Variants in GRIA1 observed in about 807,000 individuals in gnomAD.
GRIA1 encodes the protein glutamate ionotropic receptor AMPA type subunit 1.
GRIA1 carries 31 observed loss-of-function variants against 99.2 expected under a neutral mutation model. The observed-to-expected ratio is 0.31, with a 90% CI of 0.23 to 0.42. The LOEUF (loss-of-function observed/expected upper bound fraction) is 0.42, where lower values mean the gene tolerates loss of function less well. Among genes scored for constraint, GRIA1 ranks in the 10% least tolerant of loss-of-function variants. The pLI, the probability that GRIA1 is intolerant of heterozygous loss-of-function variation, is 1.00. For missense variants in GRIA1, 782 were observed against 1,157.5 expected (o/e 0.68, Z 4.71); for synonymous variants, 438 against 432.4 (o/e 1.01, Z -0.16).
intron 2 of GRIA1, among the ~76,000 whole-genome samples, chr5:153,613,703 A>G (rs894273196): frequency 2.1e-5 from 3 of 144,550 alleles, no homozygotes; most frequent in Non-Finnish European, 3.1e-5. Context: ...TTTCCCAGAA[A>G]CAGCCACTTT....
chr5:153,500,610 TACAC>T (rs35636352), intron 2 of GRIA1, among the ~76,000 whole-genome samples: 15,295 of 120,022 alleles, frequency 0.13, 1,259 homozygotes, highest in African/African-American at 0.27. Flanking sequence ...CCCTCTTACA[TACAC>T]ACACACACAC....
chr5:153,490,353 G>A (rs1015143611), upstream of GRIA1: 7 of 168,968 alleles, frequency 4.1e-5, no homozygotes, highest in Admixed American at 4.1e-4. Context: ...GGCAGGGGAG[G>A]GTAAAGAGGA....
At chr5:153,684,242 T>G (rs17594729) in intron 7 of GRIA1, among the ~76,000 whole-genome samples, 11 of 149,964 alleles carry the variant, frequency 7.3e-5, no homozygotes, top group Non-Finnish European at 1.3e-4. Flanking sequence ...AAGTGTGTCA[T>G]AAACATGAAG....
At chr5:153,491,445 C>A in intron 1 of GRIA1, 1 of 366,532 alleles carries the variant, frequency 2.7e-6, no homozygotes, top group Non-Finnish European at 3.8e-6. Context: ...GAAAAGAGAC[C>A]CTCGAGAAGA....
chr5:153,561,372 G>A (rs1282480548), intron 2 of GRIA1, among the ~76,000 whole-genome samples: 1 of 152,146 alleles, frequency 6.6e-6, no homozygotes, highest in African/African-American at 2.4e-5. Flanking sequence ...GGGGTTGAGA[G>A]GAGGACAGTT....
intron 2 of GRIA1, among the ~76,000 whole-genome samples, chr5:153,599,131 C>G (rs868332338): frequency 1.3e-5 from 2 of 152,206 alleles, no homozygotes; most frequent in Non-Finnish European, 2.9e-5. Flanking sequence ...ATCCACCCAC[C>G]TCAGCCTGCC....
intron 2 of GRIA1, among the ~76,000 whole-genome samples, chr5:153,498,226 G>C (rs1363559729): frequency 6.6e-6 from 1 of 152,072 alleles, no homozygotes; most frequent in Admixed American, 6.6e-5. Context: ...CATCTACATG[G>C]CCTCTTTCCC....
chr5:153,504,922 T>C (rs1466585270), intron 2 of GRIA1, among the ~76,000 whole-genome samples: 1 of 152,184 alleles, frequency 6.6e-6, no homozygotes, highest in Non-Finnish European at 1.5e-5. Context: ...ACAGTCCCAG[T>C]TGGAATCTTG....
At chr5:153,546,601 G>C (rs910060695) in intron 2 of GRIA1, among the ~76,000 whole-genome samples, 3 of 152,084 alleles carry the variant, frequency 2.0e-5, no homozygotes, top group Non-Finnish European at 2.9e-5. Context: ...GCAGGTATGG[G>C]GAACGTCTTA....
chr5:153,753,979 T>C (rs1443499457), intron 11 of GRIA1, among the ~76,000 whole-genome samples: 1 of 152,182 alleles, frequency 6.6e-6, no homozygotes, highest in Non-Finnish European at 1.5e-5. Context: ...AGGAAAGAAA[T>C]GGACTGAGTC....
intron 13 of GRIA1, among the ~76,000 whole-genome samples, chr5:153,783,742 C>T (rs924366538): frequency 2.6e-5 from 4 of 152,218 alleles, no homozygotes; most frequent in Non-Finnish European, 5.9e-5. Flanking sequence ...GAAGCAGCTA[C>T]TGTGTTAGCT....
chr5:153,698,833 C>A, intron 9 of GRIA1, 34 bp from the exon 10 acceptor site: 1 of 1,416,100 alleles, frequency 7.1e-7, no homozygotes, highest in Non-Finnish European at 1.0e-6. Context: ...GAACCCATAA[C>A]CCACATTCTG....
chr5:153,590,180 G>T (rs915659695), intron 2 of GRIA1, among the ~76,000 whole-genome samples: 3 of 152,054 alleles, frequency 2.0e-5, no homozygotes, highest in South Asian at 2.1e-4. Context: ...TGTGGATTCA[G>T]AAGAACAGTT....
At chr5:153,694,217 G>A (rs1386869757) in intron 8 of GRIA1, among the ~76,000 whole-genome samples, 2 of 151,958 alleles carry the variant, frequency 1.3e-5, no homozygotes, top group Non-Finnish European at 2.9e-5. Flanking sequence ...AAAAATTAAG[G>A]TATCTTTCTA....
chr5:153,568,794 A>T (rs1761874984), intron 2 of GRIA1, among the ~76,000 whole-genome samples: 1 of 152,088 alleles, frequency 6.6e-6, no homozygotes, highest in African/African-American at 2.4e-5. Flanking sequence ...CAAACTTCAT[A>T]TGGCTTTTTC....
At chr5:153,761,468 T>TA (rs1763177276) in intron 11 of GRIA1, among the ~76,000 whole-genome samples, 1 of 152,116 alleles carries the variant, frequency 6.6e-6, no homozygotes, top group Admixed American at 6.6e-5. Flanking sequence ...CACAGTGAGA[T>TA]ATCACCTCAC....
chr5:153,777,204 A>G (rs536475173), intron 13 of GRIA1, among the ~76,000 whole-genome samples: 1 of 152,304 alleles, frequency 6.6e-6, no homozygotes, highest in Non-Finnish European at 1.5e-5. Flanking sequence ...CTAAGTAAAC[A>G]GCAGTCCACT....
chr5:153,550,042 T>A (rs1168695873), intron 2 of GRIA1, among the ~76,000 whole-genome samples: 1 of 152,172 alleles, frequency 6.6e-6, no homozygotes, highest in Non-Finnish European at 1.5e-5. Flanking sequence ...CAAAAATATG[T>A]TCCTTAGAAG....
At chr5:153,797,156 G>A (rs4958678) in intron 14 of GRIA1, among the ~76,000 whole-genome samples, 10 of 152,312 alleles carry the variant, frequency 6.6e-5, no homozygotes, top group African/African-American at 2.2e-4. Context: ...CCACGCCCTA[G>A]AGACTTTGGG....
Sources: allele counts gnomAD v4.1 joint callset (sites outside exome capture counted in the v4.1 genomes callset), GRCh38; gene constraint gnomAD v4.1.1; transcripts MANE v1.5; gene names NCBI Gene and HGNC (gene_info 2026-07-23, HGNC 2026-07-21).